Variants in ARID1B observed in about 807,000 individuals in gnomAD.
ARID1B encodes AT-rich interaction domain 1B.
Under a neutral mutation model 212.3 loss-of-function variants are expected in ARID1B, and 30 were observed. That is an observed-to-expected ratio of 0.14 (90% CI 0.11 to 0.19). The LOEUF (loss-of-function observed/expected upper bound fraction) is 0.19. Ranked by LOEUF, ARID1B falls within the 10% of genes least tolerant of loss-of-function variation. ARID1B has a pLI of 1.00. For synonymous variants in ARID1B, 1,402 were observed against 1,301.7 expected (o/e 1.08, Z -1.66); for missense variants, 2,891 against 3,204.0 (o/e 0.90, Z 2.36).
intron 7 of ARID1B, among the ~76,000 whole-genome samples, chr6:157,137,524 A>G (rs915283286): frequency 2.0e-5 from 3 of 152,252 alleles, no homozygotes; most frequent in Admixed American, 6.5e-5. Context: ...TTTATTTCTT[A>G]AGGACAAAAC....
chr6:156,841,901 G>A (rs186815009), intron 2 of ARID1B, among the ~76,000 whole-genome samples: 78 of 152,236 alleles, frequency 5.1e-4, no homozygotes, highest in Non-Finnish European at 5.9e-4. Flanking sequence ...AACTCTGGGC[G>A]CACGCTAGCA....
At chr6:156,950,769 T>G (rs1793525059) in intron 4 of ARID1B, among the ~76,000 whole-genome samples, 1 of 152,208 alleles carries the variant, frequency 6.6e-6, no homozygotes, top group Non-Finnish European at 1.5e-5. Context: ...GCAAATAGAT[T>G]AATGCACTTT....
intron 6 of ARID1B, chr6:157,111,401 C>G (rs530172328): frequency 5.9e-5 from 9 of 152,308 alleles, no homozygotes; most frequent in African/African-American, 2.2e-4. Context: ...ACCCCTGGTG[C>G]GGTGGCAGGT....
chr6:157,161,461 G>A (rs968918991), intron 8 of ARID1B, among the ~76,000 whole-genome samples: 2 of 133,676 alleles, frequency 1.5e-5, no homozygotes, highest in East Asian at 1.9e-4. Flanking sequence ...ATATTTTGGC[G>A]GGGGGGCACA....
At chr6:156,870,061 G>C (rs1284716966) in intron 2 of ARID1B, 2 of 152,288 alleles carry the variant, frequency 1.3e-5, no homozygotes, top group Non-Finnish European at 2.9e-5. Flanking sequence ...CTCTGCCTTT[G>C]CCAGGGAGTA....
intron 2 of ARID1B, chr6:156,871,776 C>A: frequency 8.7e-7 from 1 of 1,150,850 alleles, no homozygotes; most frequent in Non-Finnish European, 1.3e-6. Flanking sequence ...AGATGGGAGG[C>A]TGAGGGCCCA....
Position 157,175,007 on chromosome 6 carries a change from T to A in ARID1B, c.3504+2T>A. 1 of 1,383,630 alleles carries A rather than the reference T, an allele frequency of 7.2e-7. No homozygotes were observed. Among genetic ancestry groups the A allele is most frequent in the Non-Finnish European group, 9.4e-7 (1 of 1,060,240 alleles). The allele number at this position is 1,383,630 out of a possible 1,614,324, so 85.7% of individuals were successfully genotyped here. ...TGGCCAAAGACTCCATCAAGCCCTGTAAGTGGCTCTGGTTTTTTTTTGTTT... is the reference window on the plus strand; with the variant it reads ...TGGCCAAAGACTCCATCAAGCCCTGAAAGTGGCTCTGGTTTTTTTTTGTTT... On this transcript the variant is annotated splice_donor_variant, in intron 11 of 19. Transcript: ENST00000636930. LOFTEE classifies it high-confidence loss of function.
At chr6:156,966,386 C>CTTTTCTTTTTTCTTTTCTTT (rs1794748843) in intron 4 of ARID1B, among the ~76,000 whole-genome samples, 11 of 38,916 alleles carry the variant, frequency 2.8e-4, no homozygotes, top group African/African-American at 7.8e-4. Flanking sequence ...CTTTTCTTTT[C>CTTTTCTTTTTTCTTTTCTTT]TTTTTTTTTT....
At chr6:156,885,349 C>T (rs1037802103) in intron 2 of ARID1B, among the ~76,000 whole-genome samples, 1 of 152,128 alleles carries the variant, frequency 6.6e-6, no homozygotes, top group African/African-American at 2.4e-5. Context: ...GGGTAAGTAT[C>T]ATTTTATGAT....
chr6:156,885,796 T>C (rs1419110635), intron 2 of ARID1B, among the ~76,000 whole-genome samples: 1 of 152,192 alleles, frequency 6.6e-6, no homozygotes, highest in African/African-American at 2.4e-5. Context: ...AAGTTTATCA[T>C]GTAAGTTAAG....
intron 4 of ARID1B, among the ~76,000 whole-genome samples, chr6:157,026,155 C>T (rs578200498): frequency 6.6e-6 from 1 of 152,290 alleles, no homozygotes; most frequent in African/African-American, 2.4e-5. Context: ...AAACTCCCGA[C>T]CTCAGGCGAT....
chr6:157,034,532 G>A (rs1004964959), intron 4 of ARID1B, among the ~76,000 whole-genome samples: 1 of 152,156 alleles, frequency 6.6e-6, no homozygotes, highest in African/African-American at 2.4e-5. Flanking sequence ...TGACTTTTCT[G>A]TTATTGTTGT....
At chr6:157,079,126 A>G (rs1784478693) in intron 4 of ARID1B, among the ~76,000 whole-genome samples, 1 of 152,242 alleles carries the variant, frequency 6.6e-6, no homozygotes, top group Admixed American at 6.5e-5. Flanking sequence ...TTAAATAAAA[A>G]GCGACACATG....
chr6:156,971,777 T>C (rs1340138457), intron 4 of ARID1B, among the ~76,000 whole-genome samples: 2 of 152,152 alleles, frequency 1.3e-5, no homozygotes, highest in Non-Finnish European at 2.9e-5. Flanking sequence ...CCAGAGAGTC[T>C]CTCTGATCCC....
chr6:156,806,902 G>A (rs1475346366), intron 1 of ARID1B, among the ~76,000 whole-genome samples: 2 of 152,242 alleles, frequency 1.3e-5, no homozygotes, highest in African/African-American at 2.4e-5. Flanking sequence ...GAACGTGGGA[G>A]GAGGCTGCGT....
At chr6:156,974,575 A>T (rs1777114404) in intron 4 of ARID1B, among the ~76,000 whole-genome samples, 1 of 152,222 alleles carries the variant, frequency 6.6e-6, no homozygotes, top group African/African-American at 2.4e-5. Flanking sequence ...TCTTCACACA[A>T]GACATATTTT....
chr6:157,001,583 G>A (rs1778917067), intron 4 of ARID1B, among the ~76,000 whole-genome samples: 1 of 152,204 alleles, frequency 6.6e-6, no homozygotes, highest in African/African-American at 2.4e-5. Context: ...TTGTTATTGA[G>A]CATTTAAAAT....
intron 1 of ARID1B, among the ~76,000 whole-genome samples, chr6:156,822,275 T>A (rs1232763163): frequency 6.6e-6 from 1 of 152,250 alleles, no homozygotes; most frequent in Non-Finnish European, 1.5e-5. Flanking sequence ...TCCAACGTGT[T>A]AGTTCAAGTC....
chr6:156,984,478 T>C (rs1366402752), intron 4 of ARID1B, among the ~76,000 whole-genome samples: 1 of 152,126 alleles, frequency 6.6e-6, no homozygotes, highest in East Asian at 1.9e-4. Context: ...TTTACTGACT[T>C]ACTAGGAAGT....
Sources: gnomAD v4.1 joint callset for allele counts (sites outside exome capture counted in the v4.1 genomes callset) on GRCh38, gnomAD v4.1.1 for gene constraint, MANE v1.5 for transcripts, NCBI Gene and HGNC (gene_info 2026-07-23, HGNC 2026-07-21) for gene names.